Variants in MAP7 observed in about 807,000 individuals in gnomAD.
MAP7 encodes ensconsin.
In MAP7, 52 loss-of-function variants were observed where a neutral mutation model predicts 94.8. That is an observed-to-expected ratio of 0.55 (90% CI 0.44 to 0.69). The LOEUF (loss-of-function observed/expected upper bound fraction) is 0.69, where lower values mean the gene tolerates loss of function less well. MAP7 is among the 30% of genes least tolerant of loss of function. The pLI, the probability that MAP7 is intolerant of heterozygous loss-of-function variation, is 0.00. For missense variants in MAP7, 940 were observed against 964.6 expected, an observed-to-expected ratio of 0.97 and a Z score of 0.34; for synonymous variants, 350 against 357.0, an observed-to-expected ratio of 0.98 and a Z score of 0.22.
intron 1 of MAP7, among the ~76,000 whole-genome samples, chr6:136,522,660 T>C (rs139812381): frequency 7.2e-5 from 11 of 152,340 alleles, no homozygotes; most frequent in South Asian, 4.1e-4. Context: ...AAGTTTCTGA[T>C]TGTGTATCGC....
At chr6:136,427,534 T>C (rs1793534587) in intron 1 of MAP7, among the ~76,000 whole-genome samples, 1 of 152,196 alleles carries the variant, frequency 6.6e-6, no homozygotes, top group South Asian at 2.1e-4. Flanking sequence ...CATGGTATGG[T>C]GCAACATCCA....
chr6:136,518,799 T>G (rs1825588988), intron 1 of MAP7, among the ~76,000 whole-genome samples: 2 of 152,204 alleles, frequency 1.3e-5, no homozygotes, highest in African/African-American at 4.8e-5. Context: ...GACTATAATC[T>G]TTTAATAAAT....
At chr6:136,547,993 A>T (rs1829861017) in intron 1 of MAP7, among the ~76,000 whole-genome samples, 1 of 152,160 alleles carries the variant, frequency 6.6e-6, no homozygotes, top group Non-Finnish European at 1.5e-5. Context: ...AATGAGTTCT[A>T]AAAAGAAATA....
At chr6:136,455,434 C>T (rs1562420520) in intron 1 of MAP7, among the ~76,000 whole-genome samples, 1 of 151,896 alleles carries the variant, frequency 6.6e-6, no homozygotes, top group South Asian at 2.1e-4. Flanking sequence ...AACAAACAGA[C>T]AGAAAATCAA....
At chr6:136,366,481 G>A (rs757004839) in intron 8 of MAP7, 42 bp from the exon 9 acceptor site, 10 of 1,345,298 alleles carry the variant, frequency 7.4e-6, no homozygotes, top group South Asian at 2.3e-5. Flanking sequence ...TTCCACAAGC[G>A]AGGCAAACAC....
chr6:136,449,388 G>A (rs1030531218), intron 1 of MAP7, among the ~76,000 whole-genome samples: 12 of 152,178 alleles, frequency 7.9e-5, no homozygotes, highest in South Asian at 2.1e-4. Flanking sequence ...AGAACAATTC[G>A]AGAATCGTGC....
intron 1 of MAP7, among the ~76,000 whole-genome samples, chr6:136,506,561 C>T (rs1281900621): frequency 6.6e-6 from 1 of 151,522 alleles, no homozygotes; most frequent in Admixed American, 6.6e-5. Flanking sequence ...CTTCCAGCCT[C>T]AGTACTGGGA....
chr6:136,433,412 A>T (rs1424304818), intron 1 of MAP7, among the ~76,000 whole-genome samples: 1 of 152,190 alleles, frequency 6.6e-6, no homozygotes, highest in Non-Finnish European at 1.5e-5. Context: ...TCTACACCTG[A>T]TCCCTTGCTC....
At chr6:136,452,436 A>G (rs1235194994) in intron 1 of MAP7, among the ~76,000 whole-genome samples, 1 of 152,254 alleles carries the variant, frequency 6.6e-6, no homozygotes, top group East Asian at 1.9e-4. Context: ...ACAGCATTGC[A>G]TGCTGCAGAG....
intron 1 of MAP7, among the ~76,000 whole-genome samples, chr6:136,530,982 C>T (rs916169739): frequency 1.4e-5 from 2 of 144,526 alleles, no homozygotes; most frequent in African/African-American, 5.8e-5. Context: ...ATTTCAAACG[C>T]TAGGGATTCA....
At chr6:136,527,361 T>G (rs1333238439) in intron 1 of MAP7, among the ~76,000 whole-genome samples, 1 of 152,210 alleles carries the variant, frequency 6.6e-6, no homozygotes, top group East Asian at 1.9e-4. Context: ...TTTTGTGTTT[T>G]AATAAAAATC....
chr6:136,358,969 C>T (rs368616025), intron 15 of MAP7, among the ~76,000 whole-genome samples: 22 of 152,132 alleles, frequency 1.4e-4, no homozygotes, highest in Middle Eastern at 3.2e-3. Context: ...CCCTATAACA[C>T]GGCCTGGCAC....
chr6:136,478,970 C>A (rs1583027109), intron 1 of MAP7, among the ~76,000 whole-genome samples: 5 of 35,860 alleles, frequency 1.4e-4, no homozygotes, highest in African/African-American at 2.9e-4. Flanking sequence ...CAAAATCAAA[C>A]AGACACATCA....
chr6:136,393,892 C>G (rs1216172000), intron 3 of MAP7, among the ~76,000 whole-genome samples: 1 of 149,190 alleles, frequency 6.7e-6, no homozygotes, highest in East Asian at 2.0e-4. Context: ...GCTCCTGTCT[C>G]AGCCCCCTGA....
chr6:136,420,578 T>G (rs1436984534), intron 2 of MAP7, among the ~76,000 whole-genome samples: 1 of 152,184 alleles, frequency 6.6e-6, no homozygotes, highest in Non-Finnish European at 1.5e-5. Flanking sequence ...ATAGAAGAAC[T>G]CAGTAAACAT....
intron 1 of MAP7, among the ~76,000 whole-genome samples, chr6:136,434,077 C>T (rs576172376): frequency 1.3e-5 from 2 of 151,980 alleles, no homozygotes; most frequent in South Asian, 2.1e-4. Context: ...GGTGCCAGGG[C>T]GAGTGGATCG....
chr6:136,534,935 G>A (rs1039791335), intron 1 of MAP7, among the ~76,000 whole-genome samples: 7 of 152,118 alleles, frequency 4.6e-5, no homozygotes, highest in Non-Finnish European at 8.8e-5. Flanking sequence ...ACATAGATCC[G>A]TACATGGGGA....
intron 6 of MAP7, among the ~76,000 whole-genome samples, chr6:136,381,300 C>T (rs935381994): frequency 2.0e-5 from 3 of 151,976 alleles, no homozygotes; most frequent in Admixed American, 1.3e-4. Context: ...CTGCCTCAGC[C>T]CCCGAGTAAC....
Position 136,366,015 on chromosome 6 carries a change from A to G in MAP7, c.993T>C (p.Leu331=), listed in dbSNP as rs1794214395. The change falls in exon 10 of 18, where the codon CTT becomes CTC. Residue 331 remains leucine (L), a synonymous_variant. Coordinates refer to ENST00000354570, the MANE Select transcript of MAP7 (RefSeq NM_003980.6). ...ARQPARSRLW[L]PSKSLPHLPG... The stretch of plus-strand genomic sequence containing the variant: ...GCAAATGAGGAAGAGACTTGGACGG[A>G]AGCCTGGGCCACAAACAAACAAGGC... 6.2e-7 allele frequency: 1 copy of G among 1,606,730 alleles called. No homozygotes were observed. Among genetic ancestry groups the G allele is most frequent in the Admixed American group, 1.7e-5 (1 of 59,936 alleles).
Sources: allele counts gnomAD v4.1 joint callset (sites outside exome capture counted in the v4.1 genomes callset), GRCh38; gene constraint gnomAD v4.1.1; transcripts MANE v1.5; gene names NCBI Gene and HGNC (gene_info 2026-07-23, HGNC 2026-07-21).